The following ANOS1 variants were observed in gnomAD, a reference collection of about 807,000 sequenced individuals.
ANOS1 encodes the protein anosmin 1.
In ANOS1, 6 loss-of-function variants were observed where a neutral mutation model predicts 59.0. The observed-to-expected ratio is 0.10, with a 90% CI of 0.06 to 0.20. The LOEUF (loss-of-function observed/expected upper bound fraction) is 0.20. ANOS1 is among the 10% of genes least tolerant of loss of function. ANOS1 has a pLI of 1.00. For synonymous variants in ANOS1, 217 were observed against 223.4 expected, an observed-to-expected ratio of 0.97 and a Z score of 0.25; for missense variants, 433 against 542.3, an observed-to-expected ratio of 0.80 and a Z score of 2.00.
chrX:8,692,039 T>A (rs1006921415), intron 2 of ANOS1, among the ~76,000 whole-genome samples: 1 of 111,875 alleles, frequency 8.9e-6, no homozygotes, highest in Non-Finnish European at 1.9e-5. Flanking sequence ...ATTGTTTTGT[T>A]TGGGTTTAGT....
intron 10 of ANOS1, among the ~76,000 whole-genome samples, chrX:8,537,570 A>G (rs1446466794): frequency 9.0e-6 from 1 of 111,555 alleles, no homozygotes; most frequent in Non-Finnish European, 1.9e-5. Context: ...AATGGCACTT[A>G]TCCATTCTGT....
Position 8,649,635 on chromosome X carries a change from A to T in ANOS1, c.256-25965T>A, listed in dbSNP as rs2108399. On this transcript the variant is annotated intron_variant, in intron 2 of 13. Coordinates refer to ENST00000262648, the MANE Select transcript of ANOS1 (RefSeq NM_000216.4). ...TTGCATAAGCAATAGGTATTCAGTG[A>T]ACGAATACAACAATAAAATTGCATC... is the stretch of plus-strand genomic sequence containing the variant. Among the ~76,000 whole-genome samples, 398 of 112,864 alleles carry T rather than the reference A, an allele frequency of 3.5e-3. 1 individual carries two copies. Among genetic ancestry groups the T allele is most frequent in the Non-Finnish European group, 5.9e-3 (317 of 53,392 alleles).
At chrX:8,640,082 T>C (rs1931634607) in intron 2 of ANOS1, among the ~76,000 whole-genome samples, 1 of 110,834 alleles carries the variant, frequency 9.0e-6, no homozygotes, top group South Asian at 4.0e-4. Context: ...TTGTGTTTTT[T>C]CTCGCTGGCT....
In ANOS1 at chrX:8,566,339, A is replaced by ATGTG. The variant is rs375466093; in HGVS notation, c.1207+1889_1207+1892dup. ...AGGAATAATGTATGTGTGTGTATAT[A>ATGTG]TGTGTGTGTGTGTGTGTGTATGAGT... On this transcript the variant is annotated intron_variant, in intron 8 of 13. Coordinates refer to ENST00000262648, the MANE Select transcript of ANOS1 (RefSeq NM_000216.4). 296 of 526,249 alleles carry ATGTG rather than the reference A, an allele frequency of 5.6e-4. 1 individual carries two copies. The African/African-American group carries it at 7.7e-3, about 14-fold the overall frequency. The allele number at this position is 526,249 out of a possible 1,213,427, so 43.4% of individuals were successfully genotyped here. A position where few individuals can be genotyped will look rare whatever the true frequency, so the allele number is the denominator to read the frequency against.
intron 2 of ANOS1, among the ~76,000 whole-genome samples, chrX:8,659,616 TCC>T (rs1555899869): frequency 6.3e-5 from 6 of 95,399 alleles, no homozygotes; most frequent in Non-Finnish European, 1.2e-4. Context: ...CTTCCTTCCT[TCC>T]TTCCTTCCTT....
chrX:8,560,391 G>T, intron 8 of ANOS1, among the ~76,000 whole-genome samples: 1 of 111,820 alleles, frequency 8.9e-6, no homozygotes, highest in Non-Finnish European at 1.9e-5. Flanking sequence ...TTCTTAAATG[G>T]CCAGATAGTA....
intron 2 of ANOS1, among the ~76,000 whole-genome samples, chrX:8,640,334 C>T (rs188814738): frequency 5.4e-5 from 6 of 110,764 alleles, no homozygotes; most frequent in African/African-American, 9.9e-5. Context: ...GGAAGGGAAG[C>T]GGGAAGAGGA....
In ANOS1 at chrX:8,695,895, T is replaced by C. The variant is rs999503143; in HGVS notation, c.255+3803A>G. Among the ~76,000 whole-genome samples, 4 of 111,642 alleles carry C rather than the reference T, an allele frequency of 3.6e-5. No homozygotes were observed. The Admixed American group carries it at 3.8e-4, about 11-fold the overall frequency. On this transcript the variant is annotated intron_variant, in intron 2 of 13. Transcript: ENST00000262648. ...TAGGGGATTTACTGGTACTTATTAG[T>C]AAAGTGACTTTGTAAGAAAGTCACC... is the stretch of plus-strand genomic sequence containing the variant.
chrX:8,666,271 A>G (rs1304236401), intron 2 of ANOS1, among the ~76,000 whole-genome samples: 1 of 111,751 alleles, frequency 8.9e-6, no homozygotes, highest in Non-Finnish European at 1.9e-5. Context: ...TCTTTGATGT[A>G]TATTTACCAG....
rs373092480 is a variant in ANOS1, at chrX:8,661,580, C to T, written c.256-37910G>A. Among the ~76,000 whole-genome samples, 3 of 112,102 alleles carry T rather than the reference C, an allele frequency of 2.7e-5. No individual in the cohort carries two copies. The East Asian group carries it at 8.5e-4, about 32-fold the overall frequency. On this transcript the variant is annotated intron_variant, in intron 2 of 13. Transcript: ENST00000262648. ...TTTGCAGGGAAGACAGAATACAGCC[C>T]GTAACAGTAGACTTTTTGGAATGCT...
chrX:8,594,681 TATATATATATATATATACAC>T (rs1360885735), intron 4 of ANOS1, among the ~76,000 whole-genome samples: 5 of 60,388 alleles, frequency 8.3e-5, no homozygotes, highest in African/African-American at 2.2e-4. Flanking sequence ...TATATATATA[TATATATATATATATATACAC>T]ATATATATAC....
chrX:8,533,938 G>T (rs1260727020), intron 13 of ANOS1, among the ~76,000 whole-genome samples: 2 of 108,279 alleles, frequency 1.8e-5, no homozygotes, highest in Non-Finnish European at 3.8e-5. Context: ...CATTACATAG[G>T]GGAAAATGCA....
chrX:8,684,847 C>T (rs1426279389), intron 2 of ANOS1, among the ~76,000 whole-genome samples: 1 of 110,821 alleles, frequency 9.0e-6, no homozygotes, highest in Non-Finnish European at 1.9e-5. Context: ...AAAGACCCAC[C>T]TTCCTCAGCA....
intron 2 of ANOS1, among the ~76,000 whole-genome samples, chrX:8,643,428 T>C (rs756619511): frequency 7.2e-5 from 8 of 111,658 alleles, no homozygotes; most frequent in Non-Finnish European, 1.5e-4. Context: ...GTTGTCCAAA[T>C]TCCTATCTAA....
At chrX:8,669,919 G>C (rs1932227867) in intron 2 of ANOS1, among the ~76,000 whole-genome samples, 1 of 111,797 alleles carries the variant, frequency 8.9e-6, no homozygotes, top group East Asian at 2.8e-4. Flanking sequence ...CATTTGGATA[G>C]GGTAAACACA....
chrX:8,678,992 C>A lies in ANOS1; in HGVS notation c.255+20706G>T, dbSNP rs183771067. Among the ~76,000 whole-genome samples, 3 of 111,589 alleles carry A rather than the reference C, an allele frequency of 2.7e-5. No homozygotes were observed. In the Admixed American group the frequency reaches 2.9e-4, roughly 11 times the overall value. ...TTACTGTGAGAGCACCCAAACTCCA[C>A]GGCTCATATAATCTACAGAGAAAAT... On this transcript the variant is annotated intron_variant, in intron 2 of 13. Coordinates refer to ENST00000262648, the MANE Select transcript of ANOS1 (RefSeq NM_000216.4).
chrX:8,614,393 TTCC>T (rs972534886), intron 3 of ANOS1, among the ~76,000 whole-genome samples: 1 of 111,602 alleles, frequency 9.0e-6, no homozygotes, highest in Non-Finnish European at 1.9e-5. Context: ...TGGTCTGAAT[TTCC>T]TCCTTACATT....
chrX:8,542,114 G>T (rs1210244166), intron 9 of ANOS1, among the ~76,000 whole-genome samples: 1 of 105,979 alleles, frequency 9.4e-6, no homozygotes, highest in Non-Finnish European at 1.9e-5. Flanking sequence ...TCTTCTCTCT[G>T]TGTCACCTCC....
At chrX:8,600,496 T>A (rs1342662634) in intron 3 of ANOS1, among the ~76,000 whole-genome samples, 1 of 112,459 alleles carries the variant, frequency 8.9e-6, no homozygotes, top group Non-Finnish European at 1.9e-5. Flanking sequence ...TTGACTGAAC[T>A]AAAATTATTT....
Sources: gnomAD v4.1 joint callset for allele counts (sites outside exome capture counted in the v4.1 genomes callset) on GRCh38, gnomAD v4.1.1 for gene constraint, MANE v1.5 for transcripts, NCBI Gene and HGNC (gene_info 2026-07-23, HGNC 2026-07-21) for gene names.